The following CAMKMT variants were observed in gnomAD, a reference collection of about 807,000 sequenced individuals.
The protein encoded by CAMKMT is calmodulin-lysine N-methyltransferase.
In CAMKMT, 53 loss-of-function variants were observed where a neutral mutation model predicts 48.0. The observed-to-expected ratio is 1.10, with a 90% CI of 0.89 to 1.39. CAMKMT has a LOEUF of 1.39. CAMKMT is among the 40% of genes most tolerant of loss of function. The pLI is 0.00. For missense variants in CAMKMT, 428 were observed against 402.7 expected, an observed-to-expected ratio of 1.06 and a Z score of -0.54; for synonymous variants, 165 against 152.3, an observed-to-expected ratio of 1.08 and a Z score of -0.61.
chr2:44,518,953 A>AGG lies in CAMKMT; in HGVS notation c.376+128648_376+128649insGG, dbSNP rs1670966807. ...GGCAGTCCAGTATATACCTACCATA[A>AGG]TGATACTTCTTTCCGTGTTGTCGGT... On this transcript the variant is annotated intron_variant, in intron 3 of 10. Coordinates refer to ENST00000378494, the MANE Select transcript of CAMKMT (RefSeq NM_024766.5). Among the ~76,000 whole-genome samples, 4 of 152,342 alleles carry AGG rather than the reference A, an allele frequency of 2.6e-5. No individual in the cohort carries two copies. In the South Asian group the frequency reaches 8.3e-4, roughly 32 times the overall value.
At chr2:44,592,456 T>C (rs1422590542) in intron 3 of CAMKMT, among the ~76,000 whole-genome samples, 1 of 152,188 alleles carries the variant, frequency 6.6e-6, no homozygotes, top group East Asian at 1.9e-4. Context: ...ATTGGTCATT[T>C]TTGTCTTTTC....
intron 3 of CAMKMT, among the ~76,000 whole-genome samples, chr2:44,616,744 A>G (rs1671913034): frequency 6.6e-6 from 1 of 152,188 alleles, no homozygotes; most frequent in African/African-American, 2.4e-5. Flanking sequence ...GGCCTTTCTG[A>G]ACTTTATGTG....
intron 3 of CAMKMT, among the ~76,000 whole-genome samples, chr2:44,632,849 C>G (rs1672913861): frequency 6.6e-6 from 1 of 152,188 alleles, no homozygotes. Flanking sequence ...TGAATGCTTC[C>G]TGCCCTCGAA....
chr2:44,604,761 AC>A (rs1306013379), intron 3 of CAMKMT, among the ~76,000 whole-genome samples: 1 of 152,080 alleles, frequency 6.6e-6, no homozygotes, highest in Non-Finnish European at 1.5e-5. Flanking sequence ...GGGTGCTTAT[AC>A]TAAAGGTTTT....
At chr2:44,526,999 C>T (rs1252334210) in intron 3 of CAMKMT, among the ~76,000 whole-genome samples, 2 of 151,340 alleles carry the variant, frequency 1.3e-5, no homozygotes, top group Non-Finnish European at 2.9e-5. Flanking sequence ...AATTATAGAG[C>T]ATTTTCATCA....
chr2:44,451,598 G>A (rs1313824664), intron 3 of CAMKMT, among the ~76,000 whole-genome samples: 1 of 151,948 alleles, frequency 6.6e-6, no homozygotes, highest in Non-Finnish European at 1.5e-5. Context: ...GTAATCAAAA[G>A]CAGTAACTAC....
Position 44,413,685 on chromosome 2 carries a change from AG to A in CAMKMT, c.376+23381del, listed in dbSNP as rs1233813777. The stretch of plus-strand genomic sequence containing the variant: ...AAAAAAGAAAAGAAAAAGAAATTTA[AG>A]AAATGGATCCATGGGAAATATATAC... On this transcript the variant is annotated intron_variant, in intron 3 of 10. Coordinates refer to ENST00000378494, the MANE Select transcript of CAMKMT (RefSeq NM_024766.5). Among the ~76,000 whole-genome samples, 5 of 152,122 alleles carry A rather than the reference AG, an allele frequency of 3.3e-5. No individual in the cohort carries two copies. In the East Asian group the frequency reaches 9.6e-4, roughly 29 times the overall value.
intron 3 of CAMKMT, among the ~76,000 whole-genome samples, chr2:44,473,141 G>A (rs893382006): frequency 1.3e-5 from 2 of 152,142 alleles, no homozygotes; most frequent in Non-Finnish European, 2.9e-5. Context: ...CAAATGGTAT[G>A]ACCTGCTATC....
intron 3 of CAMKMT, among the ~76,000 whole-genome samples, chr2:44,445,928 C>T (rs1251989719): frequency 6.6e-6 from 1 of 152,020 alleles, no homozygotes; most frequent in Non-Finnish European, 1.5e-5. Flanking sequence ...TTCTGACTGC[C>T]ATTTTCCCCA....
At chr2:44,723,887 A>G (rs1465892031) in intron 7 of CAMKMT, 1 of 152,148 alleles carries the variant, frequency 6.6e-6, no homozygotes, top group Middle Eastern at 3.2e-3. Context: ...TAGTCCAGAA[A>G]TGTAAAATAA....
At chr2:44,421,318 T>C (rs888568781) in intron 3 of CAMKMT, among the ~76,000 whole-genome samples, 4 of 152,162 alleles carry the variant, frequency 2.6e-5, no homozygotes, top group Non-Finnish European at 4.4e-5. Flanking sequence ...TATTTACATG[T>C]TTGATAAGAA....
At chr2:44,739,379 A>C (rs79042823) in intron 7 of CAMKMT, among the ~76,000 whole-genome samples, 2,794 of 152,348 alleles carry the variant, frequency 0.018, 40 homozygotes, top group South Asian at 0.031. Context: ...GGACTGTAAA[A>C]GAAAGAGTCA....
At chr2:44,364,409 C>T (rs142516371) in intron 1 of CAMKMT, among the ~76,000 whole-genome samples, 31 of 152,266 alleles carry the variant, frequency 2.0e-4, no homozygotes, top group South Asian at 6.2e-4. Context: ...CTAAGTTAGA[C>T]CCTCAGCCAA....
intron 3 of CAMKMT, among the ~76,000 whole-genome samples, chr2:44,462,157 A>G (rs1667879997): frequency 6.6e-6 from 1 of 152,244 alleles, no homozygotes. Context: ...TAAAAATGAA[A>G]AATAATTTTT....
At chr2:44,451,604 A>G (rs908205123) in intron 3 of CAMKMT, among the ~76,000 whole-genome samples, 1 of 152,020 alleles carries the variant, frequency 6.6e-6, no homozygotes, top group African/African-American at 2.4e-5. Flanking sequence ...AAAAGCAGTA[A>G]CTACTATCCT....
chr2:44,636,999 C>T (rs1673171667), intron 3 of CAMKMT, among the ~76,000 whole-genome samples: 1 of 152,138 alleles, frequency 6.6e-6, no homozygotes, highest in Non-Finnish European at 1.5e-5. Context: ...TAGAACAGTA[C>T]TCCAACTTGA....
At chr2:44,402,098 G>A (rs1300281962) in intron 3 of CAMKMT, among the ~76,000 whole-genome samples, 1 of 152,110 alleles carries the variant, frequency 6.6e-6, no homozygotes, top group Admixed American at 6.5e-5. Context: ...AGGCCAAGGC[G>A]GGTGGATCAC....
At chr2:44,530,522 G>T (rs968578766) in intron 3 of CAMKMT, among the ~76,000 whole-genome samples, 5 of 152,138 alleles carry the variant, frequency 3.3e-5, no homozygotes, top group Non-Finnish European at 7.4e-5. Flanking sequence ...AATCACTGAT[G>T]TGTTTGCTGT....
In CAMKMT at chr2:44,387,506, A is replaced by T. The variant is rs1438882696; in HGVS notation, c.312-2735A>T. ...TTTAAGTGGAGCGTTTAGGCTATTT[A>T]CATTCATTGTTAGTATCGAAATGTG... On this transcript the variant is annotated intron_variant, in intron 2 of 10. Coordinates refer to ENST00000378494, the MANE Select transcript of CAMKMT (RefSeq NM_024766.5). Among the ~76,000 whole-genome samples the T allele has an allele frequency of 2.3e-4, 35 of 152,090 alleles. 1 individual carries two copies.
Sources: gnomAD v4.1 joint callset for allele counts (sites outside exome capture counted in the v4.1 genomes callset) on GRCh38, gnomAD v4.1.1 for gene constraint, MANE v1.5 for transcripts, NCBI Gene and HGNC (gene_info 2026-07-23, HGNC 2026-07-21) for gene names.